Variants in HDAC9 observed in about 807,000 individuals in gnomAD.
HDAC9 encodes the protein MEF-2 interacting transcription repressor (MITR) protein.
A neutral mutation model predicts 139.4 loss-of-function variants in HDAC9; 41 were observed. The observed-to-expected ratio is 0.29, with a 90% CI of 0.23 to 0.38. The LOEUF (loss-of-function observed/expected upper bound fraction) is 0.38, where lower values mean the gene tolerates loss of function less well. Among genes scored for constraint, HDAC9 ranks in the 10% least tolerant of loss-of-function variants. The probability of loss-of-function intolerance (pLI) is 1.00; values close to 1 mark genes in which losing one functional copy is unlikely to be tolerated. For missense variants in HDAC9, 1,147 were observed against 1,297.0 expected (o/e 0.88, Z 1.78); for synonymous variants, 517 against 476.2 (o/e 1.09, Z -1.12).
intron 1 of HDAC9, among the ~76,000 whole-genome samples, chr7:18,451,388 T>TGTGTGC (rs1792822864): frequency 7.2e-6 from 1 of 139,230 alleles, no homozygotes; most frequent in Admixed American, 7.3e-5. Context: ...TGTGTGTGTG[T>TGTGTGC]GTGTGTGTGT....
chr7:18,507,035 A>G (rs1337994089), intron 2 of HDAC9, among the ~76,000 whole-genome samples: 1 of 152,022 alleles, frequency 6.6e-6, no homozygotes, highest in Non-Finnish European at 1.5e-5. Context: ...TTAAATTCGC[A>G]TTTTATATTT....
At position 18,854,321 on chromosome 7, in the gene HDAC9, T is replaced by C. The variant is rs77322137; in HGVS notation, c.2684+18324T>C. ...GCTTAGCTCTATCTGCCAGGTGATA[T>C]ATCATTTACTGTCATATATTGGCAG... On this transcript the variant is annotated intron_variant, in intron 21 of 25. Coordinates refer to ENST00000686413, the MANE Select transcript of HDAC9 (RefSeq NM_178425.4). Among the ~76,000 whole-genome samples, 734 of 152,300 alleles carry C rather than the reference T, an allele frequency of 4.8e-3. 4 individuals carry two copies. The highest frequency in any genetic ancestry group is 0.017 in the African/African-American group (707 of 41,572).
intron 12 of HDAC9, among the ~76,000 whole-genome samples, chr7:18,708,893 C>T (rs1164994193): frequency 2.0e-5 from 3 of 151,872 alleles, no homozygotes; most frequent in Non-Finnish European, 4.4e-5. Context: ...AAATCACATT[C>T]ATTCTTTCTC....
chr7:18,748,797 C>G (rs145020864), intron 13 of HDAC9, among the ~76,000 whole-genome samples: 41 of 152,252 alleles, frequency 2.7e-4, no homozygotes, highest in African/African-American at 9.4e-4. Context: ...CTGGTTAATG[C>G]GTAAGTTCGT....
chr7:18,372,124 G>C (rs1010120037), intron 1 of HDAC9, among the ~76,000 whole-genome samples: 1 of 152,200 alleles, frequency 6.6e-6, no homozygotes, highest in African/African-American at 2.4e-5. Flanking sequence ...TCAACAAACT[G>C]ATTTGGTCTT....
At chr7:18,396,181 T>C (rs1787040026) in intron 1 of HDAC9, among the ~76,000 whole-genome samples, 2 of 145,818 alleles carry the variant, frequency 1.4e-5, no homozygotes, top group Non-Finnish European at 3.0e-5. Context: ...CTTCTACAAA[T>C]ATTTACCGAG....
At chr7:18,806,339 C>G (rs1302700825) in intron 17 of HDAC9, among the ~76,000 whole-genome samples, 1 of 152,208 alleles carries the variant, frequency 6.6e-6, no homozygotes, top group Non-Finnish European at 1.5e-5. Context: ...GTCAGCAGGA[C>G]TACATTCCTT....
intron 2 of HDAC9, among the ~76,000 whole-genome samples, chr7:18,250,659 T>G (rs1045559784): frequency 6.6e-6 from 1 of 152,230 alleles, no homozygotes; most frequent in Non-Finnish European, 1.5e-5. Flanking sequence ...AAAGCCTTTC[T>G]TGTATTAAAT....
chr7:18,678,457 C>T (rs1781671861), intron 12 of HDAC9, among the ~76,000 whole-genome samples: 1 of 151,834 alleles, frequency 6.6e-6, no homozygotes, highest in Non-Finnish European at 1.5e-5. Context: ...ACTCCAGTTA[C>T]ACATAGAGTA....
chr7:18,724,299 T>C (rs1363540971), intron 12 of HDAC9, among the ~76,000 whole-genome samples: 2 of 152,194 alleles, frequency 1.3e-5, no homozygotes, highest in Non-Finnish European at 2.9e-5. Flanking sequence ...TAGCCTACTA[T>C]GTACCTAGGC....
chr7:18,403,542 G>A (rs756994066), intron 1 of HDAC9, among the ~76,000 whole-genome samples: 1 of 152,154 alleles, frequency 6.6e-6, no homozygotes, highest in Non-Finnish European at 1.5e-5. Context: ...ACAGTGCCTA[G>A]TCCTAGTAAT....
Position 18,105,834 on chromosome 7 carries a change from C to T in HDAC9, c.-97+18621C>T, listed in dbSNP as rs189030568. 9.2e-5 allele frequency among the ~76,000 whole-genome samples: 14 copies of T among 152,178 alleles called. No individual in the cohort carries two copies. The East Asian group carries it at 2.7e-3, about 29-fold the overall frequency. On this transcript the variant is annotated intron_variant, in intron 1 of 12. Transcript: ENST00000417496. ...AAAGTGGAAACAACCCAAATGTTTA[C>T]CACCTGGTGAATAGATAAACAAAAT...
chr7:18,668,681 A>G (rs1795450973), intron 12 of HDAC9: 8 of 978,052 alleles, frequency 8.2e-6, no homozygotes, highest in Non-Finnish European at 9.7e-6. Context: ...TAATCTTAGA[A>G]TTAATTGATA....
At chr7:18,357,573 A>T (rs536405554) in intron 1 of HDAC9, among the ~76,000 whole-genome samples, 12 of 151,864 alleles carry the variant, frequency 7.9e-5, no homozygotes, top group African/African-American at 2.9e-4. Flanking sequence ...ATAACAATAC[A>T]TAATTACAGA....
intron 2 of HDAC9, among the ~76,000 whole-genome samples, chr7:18,213,920 T>A (rs998839166): frequency 3.3e-5 from 5 of 152,150 alleles, no homozygotes; most frequent in African/African-American, 1.2e-4. Context: ...TCCAGCTTTG[T>A]AAGTTTAGTA....
intron 1 of HDAC9, among the ~76,000 whole-genome samples, chr7:18,100,150 C>T (rs1469634855): frequency 2.0e-5 from 3 of 151,856 alleles, no homozygotes; most frequent in East Asian, 1.9e-4. Flanking sequence ...ACTGTTTTAT[C>T]ATTTGCATTT....
chr7:18,926,978 A>G (rs1804288511), intron 22 of HDAC9, among the ~76,000 whole-genome samples: 1 of 152,310 alleles, frequency 6.6e-6, no homozygotes, highest in Non-Finnish European at 1.5e-5. Context: ...CATATTTCTT[A>G]TAAAATTGAT....
At chr7:18,347,151 C>G (rs577505034) in intron 1 of HDAC9, among the ~76,000 whole-genome samples, 1 of 152,334 alleles carries the variant, frequency 6.6e-6, no homozygotes, top group South Asian at 2.1e-4. Context: ...ATTAATGTAA[C>G]ATTTTCCAAT....
intron 17 of HDAC9, among the ~76,000 whole-genome samples, chr7:18,811,064 A>C (rs150319033): frequency 4.1e-4 from 63 of 151,972 alleles, no homozygotes; most frequent in African/African-American, 1.3e-3. Context: ...CTATTTTCCA[A>C]AGTAATTACC....
Sources: allele counts gnomAD v4.1 joint callset (sites outside exome capture counted in the v4.1 genomes callset), GRCh38; gene constraint gnomAD v4.1.1; transcripts MANE v1.5; gene names NCBI Gene and HGNC (gene_info 2026-07-23, HGNC 2026-07-21).